The following CNTN5 variants were observed in gnomAD, a reference collection of about 807,000 sequenced individuals.
CNTN5 encodes the protein contactin 5, also known as contactin-5.
A neutral mutation model predicts 129.1 loss-of-function variants in CNTN5; 77 were observed. That is an observed-to-expected ratio of 0.60 (90% CI 0.50 to 0.72). CNTN5 has a LOEUF of 0.72. Among genes scored for constraint, CNTN5 ranks in the 30% least tolerant of loss-of-function variants. The pLI, the probability that CNTN5 is intolerant of heterozygous loss-of-function variation, is 0.00. For synonymous variants in CNTN5, 509 were observed against 465.6 expected, an observed-to-expected ratio of 1.09 and a Z score of -1.20; for missense variants, 1,478 against 1,328.8, an observed-to-expected ratio of 1.11 and a Z score of -1.75.
intron 2 of CNTN5, among the ~76,000 whole-genome samples, 183 bp downstream of exon 2, chr11:99,325,667 A>G (rs1041719566): frequency 4.6e-5 from 7 of 152,246 alleles, no homozygotes; most frequent in African/African-American, 1.7e-4. Context: ...TTGTGTCAGT[A>G]ACATAAATGC....
At chr11:100,011,289 G>A (rs1213085131) in intron 9 of CNTN5, among the ~76,000 whole-genome samples, 1 of 152,088 alleles carries the variant, frequency 6.6e-6, no homozygotes, top group Non-Finnish European at 1.5e-5. Context: ...AGAAACAGAA[G>A]TAAAATCTGG....
intron 14 of CNTN5, among the ~76,000 whole-genome samples, chr11:100,193,204 C>G (rs1054235716): frequency 1.3e-5 from 2 of 151,834 alleles, no homozygotes; most frequent in African/African-American, 4.8e-5. Flanking sequence ...GTTCCTCCTT[C>G]CATAATGTCA....
intron 6 of CNTN5, among the ~76,000 whole-genome samples, chr11:99,859,833 A>G (rs1006147888): frequency 5.9e-5 from 9 of 152,128 alleles, no homozygotes; most frequent in Non-Finnish European, 1.3e-4. Flanking sequence ...TCTTTTTGGT[A>G]GAACTGTTTG....
At chr11:100,018,810 A>G (rs530373369) in intron 9 of CNTN5, among the ~76,000 whole-genome samples, 1 of 152,056 alleles carries the variant, frequency 6.6e-6, no homozygotes, top group South Asian at 2.1e-4. Flanking sequence ...GGAGAGTCCA[A>G]GTACCTCCAC....
intron 7 of CNTN5, among the ~76,000 whole-genome samples, chr11:99,925,143 T>G (rs1010552327): frequency 6.6e-6 from 1 of 152,094 alleles, no homozygotes; most frequent in Non-Finnish European, 1.5e-5. Context: ...ACTCCTCCAG[T>G]TATAGGTGGA....
intron 1 of CNTN5, among the ~76,000 whole-genome samples, chr11:99,235,958 C>T (rs776467986): frequency 3.3e-4 from 50 of 152,058 alleles, no homozygotes; most frequent in Non-Finnish European, 4.1e-4. Flanking sequence ...ACGTCATGGA[C>T]GTGGTATTCT....
chr11:99,469,869 A>C (rs1480535329), intron 2 of CNTN5, among the ~76,000 whole-genome samples: 1 of 152,190 alleles, frequency 6.6e-6, no homozygotes, highest in Non-Finnish European at 1.5e-5. Flanking sequence ...GCTAATTTCT[A>C]GTCTCTAAAG....
At chr11:99,449,418 A>G (rs1241624455) in intron 2 of CNTN5, among the ~76,000 whole-genome samples, 2 of 152,206 alleles carry the variant, frequency 1.3e-5, no homozygotes, top group South Asian at 2.1e-4. Context: ...CTCAAAACTT[A>G]TATTTGTATG....
At chr11:99,978,656 T>C (rs1005444423) in intron 8 of CNTN5, among the ~76,000 whole-genome samples, 3 of 152,216 alleles carry the variant, frequency 2.0e-5, no homozygotes, top group Non-Finnish European at 4.4e-5. Context: ...GTATACCATA[T>C]AGCCGAGGTA....
At chr11:99,149,665 TA>T (rs1290482606) in intron 1 of CNTN5, among the ~76,000 whole-genome samples, 2 of 152,112 alleles carry the variant, frequency 1.3e-5, no homozygotes, top group Non-Finnish European at 2.9e-5. Flanking sequence ...TGGTTATAAT[TA>T]AAAGTATATT....
chr11:99,898,684 A>G (rs2044524730), intron 6 of CNTN5, among the ~76,000 whole-genome samples: 1 of 151,926 alleles, frequency 6.6e-6, no homozygotes, highest in Admixed American at 6.6e-5. Context: ...ATGTATTTTC[A>G]TTGTGTGGTG....
At chr11:100,248,877 A>G (rs17094701) in intron 16 of CNTN5, among the ~76,000 whole-genome samples, 8,550 of 152,248 alleles carry the variant, frequency 0.056, 812 homozygotes, top group African/African-American at 0.2. Context: ...TTTCACAAGA[A>G]GTCAATACAC....
At chr11:100,138,821 CAGA>C (rs1390514433) in intron 13 of CNTN5, among the ~76,000 whole-genome samples, 4 of 152,086 alleles carry the variant, frequency 2.6e-5, no homozygotes, top group Non-Finnish European at 5.9e-5. Flanking sequence ...ATGGCAGAAG[CAGA>C]AGGACAGGTT....
intron 2 of CNTN5, among the ~76,000 whole-genome samples, chr11:99,415,841 G>A (rs1029125464): frequency 6.6e-6 from 1 of 152,098 alleles, no homozygotes; most frequent in Non-Finnish European, 1.5e-5. Flanking sequence ...TGGTAGAGGG[G>A]GCATCAATAT....
At chr11:99,044,222 AT>A (rs764514575) in intron 1 of CNTN5, among the ~76,000 whole-genome samples, 45 of 152,320 alleles carry the variant, frequency 3.0e-4, no homozygotes, top group Non-Finnish European at 5.1e-4. Context: ...TAGCCTGCAA[AT>A]CATATCTAAG....
intron 13 of CNTN5, among the ~76,000 whole-genome samples, chr11:100,158,303 C>CTGGAGATCTAA (rs1228579668): frequency 2.0e-5 from 3 of 151,746 alleles, no homozygotes; most frequent in African/African-American, 7.3e-5. Context: ...TGCATAAGTT[C>CTGGAGATCTAA]TGGAGATCTA....
chr11:99,098,741 G>A (rs1019209667), intron 1 of CNTN5, among the ~76,000 whole-genome samples: 25 of 151,624 alleles, frequency 1.6e-4, no homozygotes, highest in African/African-American at 5.3e-4. Flanking sequence ...GTCTATACTC[G>A]TATTCATAGC....
At chr11:99,249,864 C>G (rs1862011822) in intron 1 of CNTN5, among the ~76,000 whole-genome samples, 1 of 151,868 alleles carries the variant, frequency 6.6e-6, no homozygotes, top group African/African-American at 2.4e-5. Context: ...AACTGTAGCT[C>G]CATAAATAAT....
intron 1 of CNTN5, among the ~76,000 whole-genome samples, chr11:99,156,547 C>A (rs1485810165): frequency 6.6e-6 from 1 of 151,912 alleles, no homozygotes. Context: ...GAAATTCCAC[C>A]TTTAGGACTT....
Sources: allele counts gnomAD v4.1 joint callset (sites outside exome capture counted in the v4.1 genomes callset), GRCh38; gene constraint gnomAD v4.1.1; transcripts MANE v1.5; gene names NCBI Gene and HGNC (gene_info 2026-07-23, HGNC 2026-07-21).